Variants in AGMO observed in about 807,000 individuals in gnomAD.
AGMO encodes alkylglycerol monooxygenase.
Under a neutral mutation model 60.2 loss-of-function variants are expected in AGMO, and 75 were observed. The observed-to-expected ratio is 1.25, with a 90% confidence interval of 1.03 to 1.51. The LOEUF is 1.51. AGMO is among the 40% of genes most tolerant of loss of function. The pLI, the probability that AGMO is intolerant of heterozygous loss-of-function variation, is 0.00. For missense variants in AGMO, 763 were observed against 525.5 expected (o/e 1.45, Z -4.42); for synonymous variants, 261 against 177.1 (o/e 1.47, Z -3.76).
chr7:15,365,397 A>AAAAAAAAAAAAAATAAAAATAT, intron 12 of AGMO, 117 bp downstream of exon 12: 2 of 486,322 alleles, frequency 4.1e-6, no homozygotes, highest in Admixed American at 3.9e-5. Flanking sequence ...AAAAAAAAAG[A>AAAAAAAAAAAAAATAAAAATAT]TCAAGATTTC....
intron 12 of AGMO, among the ~76,000 whole-genome samples, chr7:15,327,409 G>A (rs1416863050): frequency 3.9e-5 from 6 of 152,142 alleles, no homozygotes; most frequent in Non-Finnish European, 7.3e-5. Context: ...AAAAAGAAAA[G>A]CAGCAAGTGT....
At chr7:15,323,838 C>T (rs1054962152) in intron 12 of AGMO, among the ~76,000 whole-genome samples, 12 of 152,122 alleles carry the variant, frequency 7.9e-5, no homozygotes, top group African/African-American at 2.9e-4. Context: ...AAAACAGACA[C>T]GAGATGTTGC....
chr7:15,126,947 A>G, the AGMO span, among the ~76,000 whole-genome samples: 1,061 of 152,208 alleles, frequency 7.0e-3, 21 homozygotes, highest in African/African-American at 0.024. Context: ...GGCCTCCACA[A>G]TCCTTTATCT....
In AGMO at chr7:15,285,282, T is replaced by TA. The variant is rs1315914385; in HGVS notation, c.1263+80231dup. On this transcript the variant is annotated intron_variant, in intron 12 of 12. Transcript: ENST00000342526. ...GCATCAAAATTGAAAAAGAGGAAGT[T>TA]AAACTATCATTGTTCACTGATAATA... Among the ~76,000 whole-genome samples, 3 of 152,014 alleles carry TA rather than the reference T, an allele frequency of 2.0e-5. No individual in the cohort carries two copies. The East Asian group carries it at 5.8e-4, about 29-fold the overall frequency.
intron 2 of AGMO, among the ~76,000 whole-genome samples, chr7:15,547,681 G>A (rs58166043): frequency 0.027 from 4,151 of 152,040 alleles, 139 homozygotes; most frequent in African/African-American, 0.086. Flanking sequence ...ACGGAGTCTC[G>A]CTGATTGCTA....
At chr7:15,549,818 T>TAATAGACATCTACAG (rs1301183786) in intron 2 of AGMO, among the ~76,000 whole-genome samples, 3 of 151,780 alleles carry the variant, frequency 2.0e-5, no homozygotes, top group Non-Finnish European at 4.4e-5. Flanking sequence ...CAAGCGGACC[T>TAATAGACATCTACAG]AATAGACATC....
chr7:15,142,622 T>A, the AGMO span, among the ~76,000 whole-genome samples: 1 of 152,194 alleles, frequency 6.6e-6, no homozygotes, highest in Non-Finnish European at 1.5e-5. Context: ...AATTCCTTTA[T>A]CCTGAAGCTT....
At chr7:15,190,963 A>G in the AGMO span, among the ~76,000 whole-genome samples, 14 of 152,084 alleles carry the variant, frequency 9.2e-5, no homozygotes, top group Admixed American at 9.2e-4. Context: ...AAGTGGCTAA[A>G]TTGGCATGAG....
chr7:15,374,807 C>A (rs553740227), intron 10 of AGMO, among the ~76,000 whole-genome samples: 20 of 152,064 alleles, frequency 1.3e-4, no homozygotes, highest in African/African-American at 3.6e-4. Context: ...TTGAGAGAAA[C>A]CAAGAAGGCT....
chr7:15,350,018 C>T (rs1396965455), intron 12 of AGMO, among the ~76,000 whole-genome samples: 2 of 152,158 alleles, frequency 1.3e-5, no homozygotes, highest in Non-Finnish European at 2.9e-5. Context: ...TTATATCCCA[C>T]ATCCAATATG....
chr7:15,360,304 C>A (rs1782700181), intron 12 of AGMO, among the ~76,000 whole-genome samples: 1 of 152,158 alleles, frequency 6.6e-6, no homozygotes, highest in Admixed American at 6.5e-5. Context: ...GACCCTTGAA[C>A]AACTCGGAGG....
chr7:15,253,657 G>A (rs1168686363), intron 12 of AGMO, among the ~76,000 whole-genome samples: 1 of 152,060 alleles, frequency 6.6e-6, no homozygotes, highest in African/African-American at 2.4e-5. Context: ...ATAATAATTA[G>A]TATATCCATC....
At chr7:15,321,701 T>G (rs1224294255) in intron 12 of AGMO, among the ~76,000 whole-genome samples, 3 of 151,996 alleles carry the variant, frequency 2.0e-5, no homozygotes, top group African/African-American at 7.2e-5. Context: ...AAAATCAAAT[T>G]TAAATTTTAA....
chr7:15,436,758 G>A lies in AGMO; in HGVS notation c.410-5650C>T, dbSNP rs543940346. On this transcript the variant is annotated intron_variant, in intron 3 of 12. Transcript: ENST00000342526. ...TACACTCTTTCCTCTTTTGGATTTT[G>A]TTTTAATCCTTCAGAAATGGAGGTG... Among the ~76,000 whole-genome samples, 201 of 152,110 alleles carry A rather than the reference G, an allele frequency of 1.3e-3. 1 individual carries two copies. The highest frequency in any genetic ancestry group is 2.4e-3 in the Non-Finnish European group (163 of 67,978).
At chr7:15,205,044 C>T (rs1316604512) in intron 12 of AGMO, among the ~76,000 whole-genome samples, 2 of 152,094 alleles carry the variant, frequency 1.3e-5, no homozygotes, top group Non-Finnish European at 2.9e-5. Flanking sequence ...AAGAGGAAAT[C>T]AAGCATCTAA....
chr7:15,518,733 G>T (rs1783894556), intron 3 of AGMO, among the ~76,000 whole-genome samples: 1 of 151,736 alleles, frequency 6.6e-6, no homozygotes, highest in Non-Finnish European at 1.5e-5. Context: ...GTGCAAAAAG[G>T]GCTGAAAAAC....
rs545880562 is a variant in AGMO, at chr7:15,392,208, C to T, written c.677-1303G>A. 1.1e-4 allele frequency among the ~76,000 whole-genome samples: 17 copies of T among 151,916 alleles called. No homozygotes were observed. The South Asian group carries it at 2.3e-3, about 20-fold the overall frequency. On this transcript the variant is annotated intron_variant, in intron 6 of 12. Coordinates refer to ENST00000342526, the MANE Select transcript of AGMO (RefSeq NM_001004320.2). ...CCTCAGCCTCCCGAGTAGCTGCGACCGCAGGTGCCGGCCACTATACCCGGC... is the reference window on the plus strand; with the variant it reads ...CCTCAGCCTCCCGAGTAGCTGCGACTGCAGGTGCCGGCCACTATACCCGGC...
intron 12 of AGMO, among the ~76,000 whole-genome samples, chr7:15,342,763 G>T (rs1781896676): frequency 8.6e-6 from 1 of 115,674 alleles, no homozygotes; most frequent in Non-Finnish European, 1.7e-5. Flanking sequence ...CTTTATGTGG[G>T]AGTACAGTAT....
chr7:15,365,402 G>C (rs1214822379), intron 12 of AGMO, 112 bp downstream of exon 12: 3 of 190,844 alleles, frequency 1.6e-5, no homozygotes, highest in African/African-American at 1.0e-4. Context: ...AAAAGATCAA[G>C]ATTTCCCACA....
Sources: allele counts gnomAD v4.1 joint callset (sites outside exome capture counted in the v4.1 genomes callset), GRCh38; gene constraint gnomAD v4.1.1; transcripts MANE v1.5; gene names NCBI Gene and HGNC (gene_info 2026-07-23, HGNC 2026-07-21).